CEP131: variants seen among roughly 807,000 people sequenced by gnomAD.
CEP131 encodes centrosomal protein 131, also known as centrosomal protein of 131 kDa.
A neutral mutation model predicts 136.8 loss-of-function variants in CEP131; 99 were observed. That is an observed-to-expected ratio of 0.72 (90% CI 0.62 to 0.86). CEP131 has a LOEUF of 0.86. Among genes scored for constraint, CEP131 ranks in the 40% least tolerant of loss-of-function variants. CEP131 has a pLI of 0.00. For synonymous variants in CEP131, 646 were observed against 612.7 expected (o/e 1.05, Z -0.80); for missense variants, 1,459 against 1,463.0 (o/e 1.00, Z 0.04).
intron 5 of CEP131, 46 bp downstream of exon 5, chr17:81,206,695 CCAG>C (rs760575947): frequency 6.4e-7 from 1 of 1,569,026 alleles, no homozygotes; most frequent in South Asian, 1.2e-5. Context: ...AGTCTCCACT[CCAG>C]GAGCTTCCCA....
In CEP131 at chr17:81,202,324, C is replaced by A; in HGVS notation, c.704G>T (p.Ser235Ile). 1.2e-6 allele frequency: 2 copies of A among 1,613,718 alleles called. No homozygotes were observed. Among genetic ancestry groups the A allele is most frequent in the South Asian group, 2.2e-5 (2 of 91,080 alleles). The change falls in exon 7 of 26, where the codon AGT becomes ATT. Residue 235 changes from serine to isoleucine, a missense_variant. Around this residue, in one of 3 missense-constraint regions of CEP131, gnomAD observed 246 missense variants for 318.9 expected, o/e 0.77. Transcript: ENST00000450824. ...ATTGTTCCGGGCTGAGTGGGTGGCA[C>A]TGGAGACATTCTTCGGCAGCTTCCC... Reference protein sequence around the residue: ...GFGKLPKNVSSATHSARNNTG... With the variant: ...GFGKLPKNVSIATHSARNNTG...
rs942575960 is a variant in CEP131 at position 81,220,082 on chromosome 17, G to A, written c.-17-9C>T. The A allele has an allele frequency of 6.6e-7, 1 of 1,505,480 alleles. No individual in the cohort carries two copies. Among genetic ancestry groups the A allele is most frequent in the Non-Finnish European group, 8.9e-7 (1 of 1,129,332 alleles). The allele number at this position is 1,505,480 out of a possible 1,614,324, so 93.3% of individuals were successfully genotyped here. A position where few individuals can be genotyped will look rare whatever the true frequency, so the allele number is the denominator to read the frequency against. ...GGTGGACAAGGCAGGTCCTGAGCGGGGAAGCAAGAGCTGCAATGAGATGCC... is the reference window on the plus strand; with the variant it reads ...GGTGGACAAGGCAGGTCCTGAGCGGAGAAGCAAGAGCTGCAATGAGATGCC... On this transcript the variant is annotated splice_polypyrimidine_tract_variant and intron_variant, in intron 1 of 25. Transcript: ENST00000450824.
intron 15 of CEP131, among the ~76,000 whole-genome samples, chr17:81,196,442 C>T (rs1170696614): frequency 1.3e-5 from 2 of 152,220 alleles, no homozygotes; most frequent in Admixed American, 6.5e-5. Flanking sequence ...AGGAGCCAAC[C>T]GGGGCTGCGA....
intron 6 of CEP131, among the ~76,000 whole-genome samples, chr17:81,202,850 G>A (rs1567865525): frequency 1.3e-5 from 2 of 152,044 alleles, no homozygotes; most frequent in African/African-American, 2.4e-5. Flanking sequence ...TGTACTCCCA[G>A]CTACACGGGA....
chr17:81,197,832 A>G lies in CEP131; in HGVS notation c.1527T>C (p.Ser509=), dbSNP rs142884257. The G allele has an allele frequency of 1.2e-5, 20 of 1,613,110 alleles. No individual in the cohort carries two copies. Among genetic ancestry groups the G allele is most frequent in the Non-Finnish European group, 1.6e-5 (19 of 1,179,930 alleles). ...CATCCTCAGGAGGTTCGGGGAACGC[A>G]CTGAGTTTTCCAAATTTCTCCAAGT... is the stretch of plus-strand genomic sequence containing the variant. ...ADNLEKFGKL[S]AFPEPPEDGT... is the part of the protein sequence containing the mutation. Residue 509 remains serine (S), a synonymous_variant, in exon 13 of 26, where the codon AGT becomes AGC. Coordinates refer to ENST00000450824, the MANE Select transcript of CEP131 (RefSeq NM_014984.4).
Position 81,206,789 on chromosome 17 carries a change from T to G in CEP131, c.470A>C (p.Lys157Thr). 6.2e-7 allele frequency: 1 copy of G among 1,614,134 alleles called. No individual in the cohort carries two copies. The highest frequency in any genetic ancestry group is 1.1e-5 in the South Asian group (1 of 91,082). The change falls in exon 5 of 26, where the codon AAA becomes ACA. Residue 157 changes from lysine (K) to threonine (T), a missense_variant. By Grantham distance (78) the Lys-to-Thr change is moderately conservative (BLOSUM62 -1). This residue lies in a region of CEP131 where 246 missense variants were observed against 318.9 expected (regional missense o/e 0.77). Transcript: ENST00000450824. ...ALDSPAGPRRKECTVALAPNF... is the reference protein window; with the variant it reads ...ALDSPAGPRRTECTVALAPNF... ...GGGGGCCAGGGCCACGGTGCATTCT[T>G]TCCTCCGCGGGCCCGCTGGTGAGTC...
At position 81,215,999 on chromosome 17, in the gene CEP131, G is replaced by T. The variant is rs1275804588; in HGVS notation, c.177+3881C>A. The stretch of plus-strand genomic sequence containing the variant: ...CCAGCACTTTGGGAGGCCGAGGTGG[G>T]AGGATCGCTTCAGCCCAGGAGTTAA... On this transcript the variant is annotated intron_variant, in intron 2 of 25. Coordinates refer to ENST00000450824, the MANE Select transcript of CEP131 (RefSeq NM_014984.4). This position sits in a 1 kb window ranked among gnomAD's most constrained non-coding sequence, Gnocchi z 4.1. 1.3e-5 allele frequency among the ~76,000 whole-genome samples: 2 copies of T among 152,100 alleles called. No homozygotes were observed. The highest frequency in any genetic ancestry group is 1.3e-4 in the Admixed American group (2 of 15,276).
chr17:81,202,753 C>A (rs909834689), intron 6 of CEP131, among the ~76,000 whole-genome samples: 1 of 152,114 alleles, frequency 6.6e-6, no homozygotes, highest in Non-Finnish European at 1.5e-5. Context: ...CCTGAGGTCA[C>A]GAGTTCGAGA....
chr17:81,197,720 G>T lies in CEP131; in HGVS notation c.1639C>A (p.Gln547Lys), dbSNP rs2061795312. The T allele has an allele frequency of 1.2e-6, 2 of 1,610,338 alleles. No individual in the cohort carries two copies. Among genetic ancestry groups the T allele is most frequent in the East Asian group, 4.5e-5 (2 of 44,814 alleles). The stretch of plus-strand genomic sequence containing the variant: ...GGCTGGTGAGGGGCCACCTCCTGCT[G>T]GGAGTCCAGCTGGTCCTGCCCAGAC... ...EKSGQDQLDS[Q>K]QEGWVPEAGP... is the part of the protein sequence containing the mutation. The change falls in exon 13 of 26, where the codon CAG becomes AAG. Residue 547 changes from glutamine (Q) to lysine (K), a missense_variant. By Grantham distance (53) the Gln-to-Lys change is moderately conservative (BLOSUM62 1). Transcript: ENST00000450824.
intron 2 of CEP131, among the ~76,000 whole-genome samples, chr17:81,217,440 G>T (rs570910404): frequency 6.6e-6 from 1 of 151,998 alleles, no homozygotes; most frequent in African/African-American, 2.4e-5. Flanking sequence ...ATCACGTGCC[G>T]CCTTGTACAG....
chr17:81,198,490 C>T (rs2061817933), intron 11 of CEP131, among the ~76,000 whole-genome samples, 193 bp from the exon 12 acceptor site: 1 of 152,170 alleles, frequency 6.6e-6, no homozygotes, highest in Non-Finnish European at 1.5e-5. Flanking sequence ...CAGAGCAGCT[C>T]CAGCCACCAG....
chr17:81,200,175 C>T lies in CEP131; in HGVS notation c.906+154G>A, dbSNP rs868079123. The T allele has an allele frequency of 8.5e-5, 57 of 669,216 alleles. 1 individual carries two copies. The highest frequency in any genetic ancestry group is 5.8e-4 in the South Asian group (30 of 51,720). 41.5% of individuals were successfully genotyped at this position (669,216 alleles called of 1,614,324 possible). A position where few individuals can be genotyped will look rare whatever the true frequency, so the allele number is the denominator to read the frequency against. ...CAGTGAGGACCACCCTGACTGTCCG[C>T]GGGGACCCAGGGTCAAGAAGGATGC... On this transcript the variant is annotated intron_variant, in intron 8 of 25. Coordinates refer to ENST00000450824, the MANE Select transcript of CEP131 (RefSeq NM_014984.4).
chr17:81,200,122 T>C, intron 8 of CEP131: 1 of 609,858 alleles, frequency 1.6e-6, no homozygotes, highest in Non-Finnish European at 2.9e-6. Context: ...CAGCAGGCGT[T>C]TCCTGACACC....
In CEP131 at chr17:81,193,911, G is replaced by A. The variant is rs1171751925; in HGVS notation, c.2321+15C>T. 1 of 1,532,210 alleles carries A rather than the reference G, an allele frequency of 6.5e-7. No individual in the cohort carries two copies. Among genetic ancestry groups the A allele is most frequent in the South Asian group, 1.2e-5 (1 of 83,544 alleles). 94.9% of individuals were successfully genotyped at this position (1,532,210 alleles called of 1,614,324 possible). A position where few individuals can be genotyped will look rare whatever the true frequency, so the allele number is the denominator to read the frequency against. On this transcript the variant is annotated intron_variant, in intron 18 of 25. Coordinates refer to ENST00000450824, the MANE Select transcript of CEP131 (RefSeq NM_014984.4). ...CTGAGGGTCCTGGCCCCACCGGCCT[G>A]GGGCCACCACCCACCGCTGCCGAGC...
At chr17:81,206,686 G>C in intron 5 of CEP131, 58 bp downstream of exon 5, 1 of 1,546,656 alleles carries the variant, frequency 6.5e-7, no homozygotes, top group Non-Finnish European at 8.7e-7. Context: ...GACACACACA[G>C]TCTCCACTCC....
In CEP131 at chr17:81,203,237, C is replaced by T. The variant is rs979811287; in HGVS notation, c.629+257G>A. On this transcript the variant is annotated intron_variant, in intron 6 of 25. Transcript: ENST00000450824. This position sits in a 1 kb window ranked among gnomAD's most constrained non-coding sequence, Gnocchi z 4.6. ...CTGTTTTCTCTCTGTGGGAAGCTGC[C>T]GACCCAAGAACAGAAGAGGGCGGCG... Among the ~76,000 whole-genome samples the T allele has an allele frequency of 3.9e-5, 6 of 152,166 alleles. No homozygotes were observed. The highest frequency in any genetic ancestry group is 1.2e-4 in the African/African-American group (5 of 41,448).
chr17:81,211,590 G>A (rs1271700774), intron 2 of CEP131, among the ~76,000 whole-genome samples: 1 of 152,210 alleles, frequency 6.6e-6, no homozygotes, highest in Admixed American at 6.5e-5. Flanking sequence ...AGTCCCTGAG[G>A]AAAGTGCCTT....
chr17:81,208,213 C>T lies in CEP131; in HGVS notation c.272+715G>A, dbSNP rs796312409. ...TAGTTGCTGAGCTAAGAGCGGCTCC[C>T]GGAGGCTGCACTGGATAGGGTGTGG... On this transcript the variant is annotated intron_variant, in intron 3 of 25. Coordinates refer to ENST00000450824, the MANE Select transcript of CEP131 (RefSeq NM_014984.4). The surrounding 1 kb of genome is among the most constrained non-coding windows in gnomAD (Gnocchi z 5.6). Among the ~76,000 whole-genome samples, 21 of 152,174 alleles carry T rather than the reference C, an allele frequency of 1.4e-4. No homozygotes were observed. The highest frequency in any genetic ancestry group is 4.6e-4 in the African/African-American group (19 of 41,444).
At chr17:81,211,934 G>GAAAAAAAA (rs149683349) in intron 2 of CEP131, among the ~76,000 whole-genome samples, 1 of 115,138 alleles carries the variant, frequency 8.7e-6, no homozygotes, top group Admixed American at 9.7e-5. Context: ...CCCTGTCTCT[G>GAAAAAAAA]AAAAAAAAAA....
Sources: gnomAD v4.1 joint callset for allele counts (sites outside exome capture counted in the v4.1 genomes callset) on GRCh38, gnomAD v4.1.1 for gene constraint, gnomAD v4.1.1 regional missense constraint, Gnocchi (gnomAD v3.1) non-coding constraint, MANE v1.5 for transcripts, NCBI Gene and HGNC (gene_info 2026-07-23, HGNC 2026-07-21) for gene names.